The following MKRN2OS variants were observed in gnomAD, a reference collection of about 807,000 sequenced individuals.
MKRN2OS encodes MKRN2 opposite strand, also known as MKRN2 opposite strand protein.
A neutral mutation model predicts 18.2 loss-of-function variants in MKRN2OS; 17 were observed. The observed-to-expected ratio is 0.93, with a 90% confidence interval of 0.64 to 1.40. The LOEUF (loss-of-function observed/expected upper bound fraction) is 1.40. Among genes scored for constraint, MKRN2OS ranks in the 40% most tolerant of loss-of-function variants. The pLI is 0.00. For missense variants in MKRN2OS, 337 were observed against 283.0 expected, an observed-to-expected ratio of 1.19 and a Z score of -1.37; for synonymous variants, 121 against 108.5, an observed-to-expected ratio of 1.12 and a Z score of -0.72.
chr3:12,558,004 T>C (rs1466963288), intron 1 of MKRN2OS, among the ~76,000 whole-genome samples: 1 of 152,242 alleles, frequency 6.6e-6, no homozygotes, highest in African/African-American at 2.4e-5. Flanking sequence ...TAATGGAGTC[T>C]AGTCCTATTG....
intron 2 of MKRN2OS, 99 bp from the exon 3 acceptor site, chr3:12,542,121 C>T (rs749058598): frequency 7.1e-5 from 87 of 1,228,342 alleles, no homozygotes; most frequent in Non-Finnish European, 9.0e-5. Context: ...GGTAACTTTA[C>T]GTAACATAAA....
rs943244974 is a variant in MKRN2OS, at chr3:12,540,295, G to C, written c.570C>G (p.Ser190=). The C allele has an allele frequency of 2.0e-6, 3 of 1,535,968 alleles. No individual in the cohort carries two copies. Among genetic ancestry groups the C allele is most frequent in the Middle Eastern group, 1.7e-4 (1 of 6,012 alleles). The change falls in exon 4 of 4, where the codon TCC becomes TCG. Residue 190 remains serine (S), a synonymous_variant. Coordinates refer to ENST00000564146, the MANE Select transcript of MKRN2OS (RefSeq NM_001195279.2). ...KYVVPRTRLA[S]KFITLYRAIR... ...TCGCCCGGTAGAGTGTGATGAACTT[G>C]GATGCCAGCCTTGTCCGCGGGACCA... is the stretch of plus-strand genomic sequence containing the variant.
At chr3:12,556,978 C>T (rs1464575648) in intron 1 of MKRN2OS, 1 of 638,820 alleles carries the variant, frequency 1.6e-6, no homozygotes, top group East Asian at 3.6e-5. Context: ...CCAATTGTGA[C>T]GACGGCTAGG....
At chr3:12,550,087 T>C (rs2057917719), upstream of MKRN2OS, among the ~76,000 whole-genome samples, 1 of 152,194 alleles carries the variant, frequency 6.6e-6, no homozygotes, top group African/African-American at 2.4e-5. Flanking sequence ...AATTGTGCTC[T>C]TTGGTATTTA....
At chr3:12,550,558 T>G (rs2057922342), downstream of MKRN2OS, among the ~76,000 whole-genome samples, 1 of 152,150 alleles carries the variant, frequency 6.6e-6, no homozygotes, top group African/African-American at 2.4e-5. Flanking sequence ...ACAAAAAAAT[T>G]TTTAAAACCT....
At chr3:12,546,100 T>C (rs1457285445), upstream of MKRN2OS, among the ~76,000 whole-genome samples, 1 of 152,194 alleles carries the variant, frequency 6.6e-6, no homozygotes, top group Non-Finnish European at 1.5e-5. Flanking sequence ...CCTAGAACTG[T>C]TATTTAATCA....
intron 1 of MKRN2OS, among the ~76,000 whole-genome samples, chr3:12,554,490 TATATATGAAATATAAAA>T (rs1389395895): frequency 3.4e-5 from 5 of 147,984 alleles, no homozygotes; most frequent in African/African-American, 9.9e-5. Context: ...ATATATGAAA[TATATATGAAATATAAAA>T]ATATATATAT....
chr3:12,543,148 A>G (rs925720725), intron 2 of MKRN2OS, 32 bp downstream of exon 2: 7 of 1,514,944 alleles, frequency 4.6e-6, no homozygotes, highest in Non-Finnish European at 6.2e-6. Flanking sequence ...GCTGGGTAGT[A>G]GGGGTTTTTT....
chr3:12,545,998 G>A (rs1369197026), upstream of MKRN2OS, among the ~76,000 whole-genome samples: 2 of 152,072 alleles, frequency 1.3e-5, no homozygotes, highest in Non-Finnish European at 2.9e-5. Flanking sequence ...GGTAGAGATG[G>A]GGGTTTCACC....
chr3:12,548,701 T>G (rs2057906907), upstream of MKRN2OS, among the ~76,000 whole-genome samples: 1 of 152,182 alleles, frequency 6.6e-6, no homozygotes, highest in African/African-American at 2.4e-5. Flanking sequence ...CCACTTTAAA[T>G]TGAGAATATA....
intron 1 of MKRN2OS, among the ~76,000 whole-genome samples, chr3:12,543,799 C>T (rs752511259): frequency 2.0e-5 from 3 of 150,856 alleles, no homozygotes; most frequent in African/African-American, 4.9e-5. Flanking sequence ...GACTGAGACA[C>T]GAGAATCGCT....
Position 12,556,818 on chromosome 3 carries a change from G to A in MKRN2OS, n.265-2684C>T, listed in dbSNP as rs564734138. On this transcript the variant is annotated intron_variant and non_coding_transcript_variant, in intron 1 of 1. Coordinates refer to the MKRN2OS transcript ENST00000447550. ...GAGATCCCTAAGGAATACTCTTGGC[G>A]ATCGGGGCAGAATCGCAGGCACTAA... 2.0e-5 allele frequency among the ~76,000 whole-genome samples: 3 copies of A among 152,296 alleles called. No homozygotes were observed. The East Asian group carries it at 5.8e-4, about 29-fold the overall frequency.
At chr3:12,554,858 G>A (rs1316020424) in intron 1 of MKRN2OS, among the ~76,000 whole-genome samples, 2 of 152,150 alleles carry the variant, frequency 1.3e-5, no homozygotes, top group Non-Finnish European at 2.9e-5. Context: ...CAGGTTTTGA[G>A]GTTTTAAAAA....
intron 1 of MKRN2OS, among the ~76,000 whole-genome samples, chr3:12,544,806 GAT>G (rs1159914782): frequency 6.6e-6 from 1 of 152,206 alleles, no homozygotes; most frequent in Non-Finnish European, 1.5e-5. Flanking sequence ...AGTGGAAATA[GAT>G]CAGTTCTAGT....
At position 12,543,244 on chromosome 3, in the gene MKRN2OS, G is replaced by C; in HGVS notation, c.219-15C>G. On this transcript the variant is annotated splice_polypyrimidine_tract_variant and intron_variant, in intron 1 of 3. Coordinates refer to ENST00000564146, the MANE Select transcript of MKRN2OS (RefSeq NM_001195279.2). ...CATCATACTCTCTGAAAGAAACAAG[G>C]TTTGTTTTTTTTTGGTTTGCATGTA... 2 of 1,522,372 alleles carry C rather than the reference G, an allele frequency of 1.3e-6. No homozygotes were observed. The highest frequency in any genetic ancestry group is 1.8e-6 in the Non-Finnish European group (2 of 1,141,714). 94.3% of individuals were successfully genotyped at this position (1,522,372 alleles called of 1,614,324 possible).
At chr3:12,556,281 G>A (rs1029182708) in intron 1 of MKRN2OS, among the ~76,000 whole-genome samples, 1 of 151,840 alleles carries the variant, frequency 6.6e-6, no homozygotes, top group Non-Finnish European at 1.5e-5. Context: ...AACCCGGGAG[G>A]CGGAGGTTGC....
chr3:12,553,016 CAAAA>C (rs371579378), downstream of MKRN2OS, among the ~76,000 whole-genome samples: 3 of 102,016 alleles, frequency 2.9e-5, no homozygotes, highest in East Asian at 3.3e-4. Context: ...ACCCGGTCTC[CAAAA>C]AAAAAAAAAA....
At chr3:12,540,877 C>CAAAAAAAAAAAAAAAAAAAAAAAAAAA (rs11369647) in intron 3 of MKRN2OS, among the ~76,000 whole-genome samples, 1 of 59,658 alleles carries the variant, frequency 1.7e-5, no homozygotes, top group Non-Finnish European at 3.2e-5. Context: ...GACTCCATCT[C>CAAAAAAAAAAAAAAAAAAAAAAAAAAA]AAAAAAAAAA....
At chr3:12,547,133 T>A (rs1402121893), upstream of MKRN2OS, among the ~76,000 whole-genome samples, 1 of 151,580 alleles carries the variant, frequency 6.6e-6, no homozygotes, top group Non-Finnish European at 1.5e-5. Flanking sequence ...ATAAATAAAA[T>A]AAGCAATTCC....
Sources: gnomAD v4.1 joint callset for allele counts (sites outside exome capture counted in the v4.1 genomes callset) on GRCh38, gnomAD v4.1.1 for gene constraint, MANE v1.5 for transcripts, NCBI Gene and HGNC (gene_info 2026-07-23, HGNC 2026-07-21) for gene names.